RABL3: variants seen among roughly 807,000 people sequenced by gnomAD.
RABL3 encodes RAB, member of RAS oncogene family like 3, also known as rab-like protein 3.
RABL3 carries 31 observed loss-of-function variants against 31.8 expected under a neutral mutation model. The observed-to-expected ratio is 0.97, with a 90% CI of 0.73 to 1.31. RABL3 has a LOEUF of 1.31. RABL3 is among the 40% of genes most tolerant of loss of function. RABL3 has a pLI of 0.00. For synonymous variants in RABL3, 97 were observed against 99.9 expected (o/e 0.97, Z 0.18); for missense variants, 263 against 279.6 (o/e 0.94, Z 0.42).
intron 5 of RABL3, among the ~76,000 whole-genome samples, chr3:120,695,051 C>T (rs1708422720): frequency 1.3e-5 from 2 of 149,714 alleles, no homozygotes; most frequent in South Asian, 4.3e-4. Flanking sequence ...TAAGACCAAA[C>T]TATAAGGGCT....
intron 1 of RABL3, among the ~76,000 whole-genome samples, chr3:120,733,054 T>TTA (rs1297299948): frequency 4.6e-5 from 7 of 152,172 alleles, no homozygotes; most frequent in African/African-American, 1.7e-4. Flanking sequence ...GCAGCATGAT[T>TTA]TATAGTCCTT....
chr3:120,721,515 AG>A (rs1432053456), intron 2 of RABL3, among the ~76,000 whole-genome samples: 1 of 152,304 alleles, frequency 6.6e-6, no homozygotes, highest in East Asian at 1.9e-4. Flanking sequence ...AAAAAAAGGC[AG>A]GGGTTGCAAT....
chr3:120,717,277 A>T (rs532330032), intron 2 of RABL3, among the ~76,000 whole-genome samples: 6 of 116,254 alleles, frequency 5.2e-5, no homozygotes, highest in Non-Finnish European at 1.3e-4. Context: ...ACAAAAAAAA[A>T]AACAACAAAA....
intron 2 of RABL3, among the ~76,000 whole-genome samples, chr3:120,721,869 A>G (rs1208096981): frequency 6.6e-6 from 1 of 152,216 alleles, no homozygotes; most frequent in African/African-American, 2.4e-5. Flanking sequence ...AGTCAACAGA[A>G]TATACATTCT....
At chr3:120,720,545 C>A (rs1708726404) in intron 2 of RABL3, among the ~76,000 whole-genome samples, 1 of 152,136 alleles carries the variant, frequency 6.6e-6, no homozygotes, top group Admixed American at 6.5e-5. Context: ...AATGCACAAG[C>A]CTCAGTAGTC....
At chr3:120,722,707 A>G (rs1038366393) in intron 2 of RABL3, 2 of 152,234 alleles carry the variant, frequency 1.3e-5, no homozygotes, top group African/African-American at 4.8e-5. Context: ...CTGGGTACAT[A>G]ACGAAATGAA....
chr3:120,689,816 G>A lies in RABL3; in HGVS notation c.*7C>T. The stretch of plus-strand genomic sequence containing the variant: ...GCTTGCTCACTCTTCCAAAGGATGA[G>A]TGTAATTCAGTCATAATGAAGGCTC... On this transcript the variant is annotated 3_prime_UTR_variant, in exon 8 of 8. Coordinates refer to ENST00000273375, the MANE Select transcript of RABL3 (RefSeq NM_173825.5). 1 of 1,601,230 alleles carries A rather than the reference G, an allele frequency of 6.2e-7. No homozygotes were observed. The highest frequency in any genetic ancestry group is 8.6e-7 in the Non-Finnish European group (1 of 1,168,594).
At chr3:120,697,208 A>C (rs1708446965) in intron 5 of RABL3, among the ~76,000 whole-genome samples, 1 of 152,182 alleles carries the variant, frequency 6.6e-6, no homozygotes, top group Non-Finnish European at 1.5e-5. Flanking sequence ...TCTCAAGGTG[A>C]GTTGAAGGAT....
intron 5 of RABL3, among the ~76,000 whole-genome samples, chr3:120,694,981 G>C: frequency 8.5e-6 from 1 of 118,152 alleles, no homozygotes; most frequent in African/African-American, 3.2e-5. Flanking sequence ...TTTTTTGCTT[G>C]TCACCATTGA....
chr3:120,725,022 A>C (rs1422725855), intron 2 of RABL3, among the ~76,000 whole-genome samples: 3 of 152,200 alleles, frequency 2.0e-5, no homozygotes, highest in Admixed American at 6.5e-5. Flanking sequence ...CAACCTACAG[A>C]ATGGGAGAAA....
chr3:120,713,255 G>C (rs1320103604), intron 2 of RABL3, among the ~76,000 whole-genome samples: 1 of 152,142 alleles, frequency 6.6e-6, no homozygotes, highest in African/African-American at 2.4e-5. Flanking sequence ...ACCTTTCCTA[G>C]TCAAATCCTT....
In RABL3 at chr3:120,690,736, C is replaced by T. The variant is rs141330376; in HGVS notation, c.607-249G>A. 2.8e-3 allele frequency among the ~76,000 whole-genome samples: 421 copies of T among 152,128 alleles called. 2 individuals are homozygous for T. The highest frequency in any genetic ancestry group is 1.3e-3 in the Non-Finnish European group (87 of 67,962). On this transcript the variant is annotated intron_variant, in intron 6 of 7. Transcript: ENST00000273375. ...TCAAAAAATAAATGAATAACAAAAA[C>T]TAAATAATGATAGAATGATATAAGA...
chr3:120,700,362 T>G (rs1378514217), intron 4 of RABL3, among the ~76,000 whole-genome samples: 1 of 151,930 alleles, frequency 6.6e-6, no homozygotes, highest in African/African-American at 2.4e-5. Flanking sequence ...GAAACAAGTT[T>G]AAAAGACAAT....
At chr3:120,724,884 G>A (rs1329576929) in intron 2 of RABL3, among the ~76,000 whole-genome samples, 3 of 151,990 alleles carry the variant, frequency 2.0e-5, no homozygotes, top group Admixed American at 6.6e-5. Context: ...CAGGACATAG[G>A]CATGGGCAAG....
At chr3:120,721,400 A>T (rs1314391046) in intron 2 of RABL3, among the ~76,000 whole-genome samples, 1 of 151,904 alleles carries the variant, frequency 6.6e-6, no homozygotes, top group Non-Finnish European at 1.5e-5. Context: ...GCAAATTGTC[A>T]AGACCCATCA....
intron 2 of RABL3, among the ~76,000 whole-genome samples, chr3:120,721,222 T>G (rs1311948332): frequency 1.3e-5 from 2 of 152,196 alleles, no homozygotes; most frequent in Non-Finnish European, 2.9e-5. Flanking sequence ...TACCAGCCAC[T>G]GCAAAAACAT....
intron 1 of RABL3, among the ~76,000 whole-genome samples, chr3:120,733,380 T>A (rs534637955): frequency 6.7e-6 from 1 of 149,530 alleles, no homozygotes; most frequent in Non-Finnish European, 1.5e-5. Flanking sequence ...AGTGTCTGTT[T>A]ATGTCCTTCG....
At chr3:120,734,019 G>T (rs1292822145) in intron 1 of RABL3, among the ~76,000 whole-genome samples, 1 of 152,144 alleles carries the variant, frequency 6.6e-6, no homozygotes, top group Non-Finnish European at 1.5e-5. Flanking sequence ...GCTTAGGATT[G>T]TCTTCGAAAT....
At chr3:120,731,074 A>T (rs1708876997) in intron 1 of RABL3, among the ~76,000 whole-genome samples, 1 of 152,010 alleles carries the variant, frequency 6.6e-6, no homozygotes, top group Non-Finnish European at 1.5e-5. Context: ...GATTTCTAAC[A>T]AGTTCCCAAG....
Sources: allele counts gnomAD v4.1 joint callset (sites outside exome capture counted in the v4.1 genomes callset), GRCh38; gene constraint gnomAD v4.1.1; transcripts MANE v1.5; gene names NCBI Gene and HGNC (gene_info 2026-07-23, HGNC 2026-07-21).